Variants in CTNND1 observed in about 807,000 individuals in gnomAD.
The protein encoded by CTNND1 is catenin delta 1, also known as catenin delta-1.
CTNND1 carries 16 observed loss-of-function variants against 112.1 expected under a neutral mutation model. The ratio of observed to expected loss-of-function variants is 0.14; its 90% confidence interval spans 0.10 to 0.22. The LOEUF (loss-of-function observed/expected upper bound fraction) is 0.22, where lower values mean the gene tolerates loss of function less well. Ranked by LOEUF, CTNND1 falls within the 10% of genes least tolerant of loss-of-function variation. The pLI is 1.00. For synonymous variants in CTNND1, 420 were observed against 446.5 expected, an observed-to-expected ratio of 0.94 and a Z score of 0.75; for missense variants, 1,008 against 1,257.0, an observed-to-expected ratio of 0.80 and a Z score of 3.00.
At chr11:57,796,336 G>A (rs2061358883) in intron 5 of CTNND1, 121 bp from the exon 6 acceptor site, 4 of 938,794 alleles carry the variant, frequency 4.3e-6, no homozygotes, top group Non-Finnish European at 6.2e-6. Flanking sequence ...CAGGTGAGCC[G>A]AGATCACGCC....
At position 57,817,581 on chromosome 11, in the gene CTNND1, T is replaced by C. The variant is rs1485612173; in HGVS notation, c.*1273T>C. On this transcript the variant is annotated 3_prime_UTR_variant, in exon 21 of 21. Coordinates refer to ENST00000399050, the MANE Select transcript of CTNND1 (RefSeq NM_001085458.2). The stretch of plus-strand genomic sequence containing the variant: ...ATTGGTATAGCCATGATTTCAGTCA[T>C]AGCAAGCTTTTGCTCAACAGCATAT... 3.3e-5 allele frequency: 5 copies of C among 152,660 alleles called. No individual in the cohort carries two copies. The highest frequency in any genetic ancestry group is 2.9e-5 in the Non-Finnish European group (2 of 68,046). 9.5% of individuals were successfully genotyped at this position (152,660 alleles called of 1,614,324 possible).
intron 3 of CTNND1, among the ~76,000 whole-genome samples, chr11:57,792,226 TGGAGAG>T (rs2060824580): frequency 6.6e-6 from 1 of 152,200 alleles, no homozygotes; most frequent in Non-Finnish European, 1.5e-5. Context: ...TGGTTAGAGT[TGGAGAG>T]GGAGCATCAT....
intron 1 of CTNND1, among the ~76,000 whole-genome samples, chr11:57,781,207 G>T (rs1006546022): frequency 4.6e-5 from 7 of 152,168 alleles, no homozygotes; most frequent in Admixed American, 3.9e-4. Flanking sequence ...AAAGTGCTGG[G>T]ATTACAGGCG....
chr11:57,778,876 G>GAGCA (rs918035510), intron 1 of CTNND1, among the ~76,000 whole-genome samples: 5 of 152,190 alleles, frequency 3.3e-5, no homozygotes, highest in African/African-American at 1.2e-4. Flanking sequence ...GCTGAGAAGA[G>GAGCA]AGCAGCCTTT....
chr11:57,769,167 T>G (rs76155132), intron 1 of CTNND1, among the ~76,000 whole-genome samples: 2 of 151,188 alleles, frequency 1.3e-5, no homozygotes, highest in African/African-American at 2.4e-5. Context: ...AAAAAAAAAT[T>G]AGCTGGGCAT....
intron 19 of CTNND1, 83 bp downstream of exon 19, chr11:57,815,583 T>C (rs977880392): frequency 6.8e-6 from 8 of 1,175,124 alleles, no homozygotes; most frequent in Non-Finnish European, 1.0e-5. Context: ...CAAAAAAAAG[T>C]ACAGAGAAAG....
At chr11:57,804,487 T>A (rs1291386369) in intron 8 of CTNND1, among the ~76,000 whole-genome samples, 176 bp from the exon 9 acceptor site, 3 of 152,156 alleles carry the variant, frequency 2.0e-5, no homozygotes, top group Non-Finnish European at 4.4e-5. Flanking sequence ...GATATAAACA[T>A]TCAGAAGGCA....
Position 57,801,944 on chromosome 11 carries a change from C to T in CTNND1, c.1168C>T (p.Leu390=). ...DAVKSNAAAY[L]QHLCYRNDKV... is the part of the protein sequence containing the mutation. ...TGTCAAGTCCAATGCAGCTGCATAC[C>T]TGCAACACTTATGCTACCGCAATGA... Residue 390 remains leucine, a synonymous_variant, in exon 7 of 21, where the codon CTG becomes TTG. Coordinates refer to ENST00000399050, the MANE Select transcript of CTNND1 (RefSeq NM_001085458.2). The T allele has an allele frequency of 6.2e-7, 1 of 1,614,024 alleles. No individual in the cohort carries two copies. The highest frequency in any genetic ancestry group is 8.5e-7 in the Non-Finnish European group (1 of 1,179,900).
At chr11:57,783,584 G>A (rs1170294826) in intron 1 of CTNND1, among the ~76,000 whole-genome samples, 10 of 152,022 alleles carry the variant, frequency 6.6e-5, no homozygotes, top group Admixed American at 2.0e-4. Flanking sequence ...CTGTGAACCC[G>A]GGAGGCGGAG....
intron 1 of CTNND1, among the ~76,000 whole-genome samples, chr11:57,785,181 C>G (rs2136435027): frequency 6.6e-6 from 1 of 152,252 alleles, no homozygotes; most frequent in East Asian, 1.9e-4. Flanking sequence ...GGCTGGTTTA[C>G]AAACTTCAAA....
At chr11:57,771,521 T>A (rs1306396510) in intron 1 of CTNND1, among the ~76,000 whole-genome samples, 1 of 151,614 alleles carries the variant, frequency 6.6e-6, no homozygotes, top group African/African-American at 2.4e-5. Flanking sequence ...GAGTAGGAAG[T>A]GCAAAGGCCC....
rs1157141511 is a variant in CTNND1, at chr11:57,799,979, G to GTTTTTTT, written c.957-1734_957-1728dup. Reference sequence around the variant, plus strand: ...TCTAAGCTATTCATTTTGTTTCCGTGTTTTTTTTTTTTTTTTTTTTTTTTT... The same window carrying GTTTTTTT: ...TCTAAGCTATTCATTTTGTTTCCGTGTTTTTTTTTTTTTTTTTTTTTTTTTTTTTTTT... On this transcript the variant is annotated intron_variant, in intron 6 of 20. Transcript: ENST00000399050. 5.1e-5 allele frequency among the ~76,000 whole-genome samples: 3 copies of GTTTTTTT among 58,860 alleles called. 1 individual carries two copies. Among genetic ancestry groups the GTTTTTTT allele is most frequent in the African/African-American group, 6.8e-5 (1 of 14,676 alleles). The allele number at this position is 58,860 out of a possible 152,430, so 38.6% of individuals were successfully genotyped here. A position where few individuals can be genotyped will look rare whatever the true frequency, so the allele number is the denominator to read the frequency against.
intron 19 of CTNND1, 141 bp downstream of exon 19, chr11:57,815,641 G>T (rs542942576): frequency 2.4e-6 from 2 of 849,282 alleles, no homozygotes; most frequent in Non-Finnish European, 4.1e-6. Flanking sequence ...TAAGAGTTCT[G>T]ACTCATGTTG....
In CTNND1 at chr11:57,784,504, TTTG is replaced by T. The variant is rs200668387; in HGVS notation, c.-213-4521_-213-4519del. ...GAGAGCATAAATTTGTGACACTCGT[TTTG>T]TTGTTGTTGTTTTTGAGACAGAGTC... On this transcript the variant is annotated intron_variant, in intron 1 of 20. Coordinates refer to ENST00000399050, the MANE Select transcript of CTNND1 (RefSeq NM_001085458.2). Among the ~76,000 whole-genome samples, 1,517 of 151,766 alleles carry T rather than the reference TTTG, an allele frequency of 1.0e-2. 29 individuals are homozygous for T. The highest frequency in any genetic ancestry group is 0.035 in the African/African-American group (1,436 of 41,382).
At chr11:57,797,111 G>T in intron 6 of CTNND1, 119 bp downstream of exon 6, 1 of 841,562 alleles carries the variant, frequency 1.2e-6, no homozygotes, top group African/African-American at 1.7e-5. Context: ...CCTCCCCTCT[G>T]CTTTTTTTTG....
chr11:57,794,002 T>A lies in CTNND1; in HGVS notation c.196-8T>A, dbSNP rs1224566943. 2 of 1,613,978 alleles carry A rather than the reference T, an allele frequency of 1.2e-6. No homozygotes were observed. The highest frequency in any genetic ancestry group is 1.1e-5 in the South Asian group (1 of 91,086). On this transcript the variant is annotated splice_region_variant and splice_polypyrimidine_tract_variant and intron_variant, in intron 3 of 20. Transcript: ENST00000399050. ...AAATGAATTGTCTTCTTGTGGGCTG[T>A]GTTTCAGAACGGCCGGTTTGTGGGC...
At chr11:57,783,505 A>G (rs1371349823) in intron 1 of CTNND1, among the ~76,000 whole-genome samples, 1 of 151,682 alleles carries the variant, frequency 6.6e-6, no homozygotes, top group Non-Finnish European at 1.5e-5. Flanking sequence ...TAAAAATACA[A>G]AAAATTAGCC....
At chr11:57,807,712 C>G (rs984195464) in intron 12 of CTNND1, among the ~76,000 whole-genome samples, 3 of 151,558 alleles carry the variant, frequency 2.0e-5, no homozygotes, top group Admixed American at 2.0e-4. Flanking sequence ...GTTCACAGCT[C>G]TCCATGGATA....
intron 5 of CTNND1, 100 bp from the exon 6 acceptor site, chr11:57,796,357 A>G (rs2061363005): frequency 8.6e-7 from 1 of 1,166,080 alleles, no homozygotes; most frequent in African/African-American, 1.6e-5. Context: ...ATTGCACTCC[A>G]GCCAGGGCAA....
Sources: allele counts gnomAD v4.1 joint callset (sites outside exome capture counted in the v4.1 genomes callset), GRCh38; gene constraint gnomAD v4.1.1; transcripts MANE v1.5; gene names NCBI Gene and HGNC (gene_info 2026-07-23, HGNC 2026-07-21).